Variants in PLEKHM2 observed in about 807,000 individuals in gnomAD.
The protein encoded by PLEKHM2 is pleckstrin homology domain-containing family M member 2.
Under a neutral mutation model 116.3 loss-of-function variants are expected in PLEKHM2, and 77 were observed. The ratio of observed to expected loss-of-function variants is 0.66; its 90% confidence interval spans 0.55 to 0.80. PLEKHM2 has a LOEUF of 0.80. PLEKHM2 is among the 30% of genes least tolerant of loss of function. The pLI is 0.00. For missense variants in PLEKHM2, 1,183 were observed against 1,354.9 expected, an observed-to-expected ratio of 0.87 and a Z score of 1.99; for synonymous variants, 562 against 571.0, an observed-to-expected ratio of 0.98 and a Z score of 0.22.
Position 15,728,560 on chromosome 1 carries a change from C to T in PLEKHM2, c.1922-109C>T. 3 of 1,093,978 alleles carry T rather than the reference C, an allele frequency of 2.7e-6. No homozygotes were observed. Among genetic ancestry groups the T allele is most frequent in the Non-Finnish European group, 4.1e-6 (3 of 736,862 alleles). The allele number at this position is 1,093,978 out of a possible 1,614,324, so 67.8% of individuals were successfully genotyped here. On this transcript the variant is annotated intron_variant, in intron 11 of 19. Coordinates refer to ENST00000375799, the MANE Select transcript of PLEKHM2 (RefSeq NM_015164.4). This position sits in a 1 kb window ranked among gnomAD's most constrained non-coding sequence, Gnocchi z 5.9. ...AGCACTCCACGCCATTCTCCTACTG[C>T]AGGGCAAGGAGAGGCCCTCTAAGAG...
chr1:15,685,541 G>GAAAAAAAAAAAAAAAAAAAAGA (rs200301672), intron 1 of PLEKHM2, among the ~76,000 whole-genome samples: 1 of 73,506 alleles, frequency 1.4e-5, no homozygotes, highest in Non-Finnish European at 2.8e-5. Flanking sequence ...CTCAGAAACT[G>GAAAAAAAAAAAAAAAAAAAAGA]AAAAAAAAAA....
intron 7 of PLEKHM2, among the ~76,000 whole-genome samples, chr1:15,725,009 C>T (rs2068043457): frequency 1.3e-5 from 2 of 152,224 alleles, no homozygotes. Context: ...TCCTATGGGA[C>T]TTAAGCCTGG....
rs762389912 is a variant in PLEKHM2, at chr1:15,732,025, C to G, written c.2602C>G (p.Leu868Val). The G allele has an allele frequency of 1.9e-6, 3 of 1,612,000 alleles. No individual in the cohort carries two copies. The highest frequency in any genetic ancestry group is 1.3e-5 in the African/African-American group (1 of 74,902). ...EAEMAEWMQH[L>V]CQAVSKGVIP... Reference sequence around the variant, plus strand: ...CGAGATGGCCGAGTGGATGCAGCATCTCTGCCAGGCTGTGTCCAAAGGGGT... The same window carrying G: ...CGAGATGGCCGAGTGGATGCAGCATGTCTGCCAGGCTGTGTCCAAAGGGGT... Residue 868 changes from leucine (L) to valine (V), a missense_variant, in exon 17 of 20, where the codon CTC becomes GTC. Physicochemically the swap from Leu to Val is conservative, Grantham distance 32. Transcript: ENST00000375799.
chr1:15,684,517 G>GGCA lies in PLEKHM2; in HGVS notation c.-40_-39insAGC, dbSNP rs2148323486. On this transcript the variant is annotated 5_prime_UTR_variant, in exon 1 of 20. Coordinates refer to ENST00000375799, the MANE Select transcript of PLEKHM2 (RefSeq NM_015164.4). Reference sequence around the variant, plus strand: ...GCGCGGGAAGCGGCGGCGGGGCGGCGGCGGCGGTGGCGGTGGCGGTGGCGG... The same window carrying GGCA: ...GCGCGGGAAGCGGCGGCGGGGCGGCGGCAGCGGCGGTGGCGGTGGCGGTGGCGG... 2 of 1,088,860 alleles carry GGCA rather than the reference G, an allele frequency of 1.8e-6. No homozygotes were observed. The highest frequency in any genetic ancestry group is 2.3e-6 in the Non-Finnish European group (2 of 886,616). 67.4% of individuals were successfully genotyped at this position (1,088,860 alleles called of 1,614,324 possible).
Position 15,729,681 on chromosome 1 carries a change from A to G in PLEKHM2, c.2076-116A>G. ...GCCGCCCTGGTCACTGGGTCTAGCC[A>G]GGTCTCTCCCCCAAGTTTCTGTGAC... On this transcript the variant is annotated intron_variant, in intron 13 of 19. Transcript: ENST00000375799. This position sits in a 1 kb window ranked among gnomAD's most constrained non-coding sequence, Gnocchi z 4.7. 1.1e-6 allele frequency: 1 copy of G among 879,372 alleles called. No individual in the cohort carries two copies. Among genetic ancestry groups the G allele is most frequent in the Non-Finnish European group, 1.8e-6 (1 of 567,914 alleles). 54.5% of individuals were successfully genotyped at this position (879,372 alleles called of 1,614,324 possible).
At chr1:15,704,136 C>T (rs1641173197) in intron 1 of PLEKHM2, among the ~76,000 whole-genome samples, 1 of 152,142 alleles carries the variant, frequency 6.6e-6, no homozygotes, top group Non-Finnish European at 1.5e-5. Context: ...GCATACTGGC[C>T]CACCTGCTTG....
intron 1 of PLEKHM2, among the ~76,000 whole-genome samples, chr1:15,709,394 T>C (rs1482059924): frequency 6.6e-6 from 1 of 152,222 alleles, no homozygotes; most frequent in Non-Finnish European, 1.5e-5. Flanking sequence ...GGTTACCAGC[T>C]GCAGCCTCAT....
At chr1:15,711,991 G>A (rs891285206) in intron 1 of PLEKHM2, among the ~76,000 whole-genome samples, 3 of 151,880 alleles carry the variant, frequency 2.0e-5, no homozygotes, top group Non-Finnish European at 4.4e-5. Context: ...GGTGGCGCGT[G>A]CCTGTAATCC....
chr1:15,725,141 T>C (rs2068045411), intron 7 of PLEKHM2, among the ~76,000 whole-genome samples, 176 bp from the exon 8 acceptor site: 1 of 152,114 alleles, frequency 6.6e-6, no homozygotes, highest in Non-Finnish European at 1.5e-5. Flanking sequence ...GCTCCTAAAG[T>C]ACAAAACCCC....
intron 1 of PLEKHM2, 93 bp from the exon 2 acceptor site, chr1:15,716,144 A>G (rs1025363766): frequency 8.4e-5 from 64 of 760,856 alleles, no homozygotes; most frequent in Middle Eastern, 2.5e-4. Context: ...ACACCATTTG[A>G]CTAATTTTTT....
intron 8 of PLEKHM2, chr1:15,725,906 C>G: frequency 3.6e-6 from 1 of 279,006 alleles, no homozygotes; most frequent in Non-Finnish European, 6.9e-6. Flanking sequence ...AGAGAGCTCT[C>G]TAGGGTCCCT....
Position 15,728,796 on chromosome 1 carries a change from C to T in PLEKHM2, c.1986+63C>T, listed in dbSNP as rs1167040077. ...TACAGGGCTTCTCAAGCCACTTACC[C>T]ATAGAACTGCAGGGCGAGGCACGGC... is the stretch of plus-strand genomic sequence containing the variant. On this transcript the variant is annotated intron_variant, in intron 12 of 19. Coordinates refer to ENST00000375799, the MANE Select transcript of PLEKHM2 (RefSeq NM_015164.4). The surrounding 1 kb of genome is among the most constrained non-coding windows in gnomAD (Gnocchi z 5.9). 3.5e-6 allele frequency: 5 copies of T among 1,429,676 alleles called. No homozygotes were observed. The highest frequency in any genetic ancestry group is 1.9e-5 in the Admixed American group (1 of 52,040). The allele number at this position is 1,429,676 out of a possible 1,614,324, so 88.6% of individuals were successfully genotyped here. A position where few individuals can be genotyped will look rare whatever the true frequency, so the allele number is the denominator to read the frequency against.
At chr1:15,707,695 G>A (rs2148348064) in intron 1 of PLEKHM2, among the ~76,000 whole-genome samples, 1 of 152,292 alleles carries the variant, frequency 6.6e-6, no homozygotes, top group African/African-American at 2.4e-5. Context: ...TGGAGCAGCT[G>A]CAGCTTTTTT....
chr1:15,726,091 G>A lies in PLEKHM2; in HGVS notation c.941+546G>A, dbSNP rs114597800. 7.7e-3 allele frequency among the ~76,000 whole-genome samples: 1,172 copies of A among 152,328 alleles called. 18 individuals carry two copies. The highest frequency in any genetic ancestry group is 0.024 in the African/African-American group (1,004 of 41,586). On this transcript the variant is annotated intron_variant, in intron 8 of 19. Coordinates refer to ENST00000375799, the MANE Select transcript of PLEKHM2 (RefSeq NM_015164.4). ...CTTGGAAGCAGGTGGCACAGGCAGC[G>A]ACCGTGGCTGGTGTCTGGGGCCATG... is the stretch of plus-strand genomic sequence containing the variant.
chr1:15,718,723 G>A, intron 5 of PLEKHM2, 98 bp downstream of exon 5: 1 of 740,600 alleles, frequency 1.4e-6, no homozygotes, highest in South Asian at 1.5e-5. Context: ...CTTGTTGAGG[G>A]AGCTTGTTGA....
chr1:15,726,207 G>A (rs757002666), intron 8 of PLEKHM2, among the ~76,000 whole-genome samples: 1 of 152,202 alleles, frequency 6.6e-6, no homozygotes, highest in Non-Finnish European at 1.5e-5. Flanking sequence ...TGGAAGTTAA[G>A]ATACAATTTC....
chr1:15,697,569 C>T (rs766815372), intron 1 of PLEKHM2, among the ~76,000 whole-genome samples: 1 of 152,200 alleles, frequency 6.6e-6, no homozygotes, highest in African/African-American at 2.4e-5. Flanking sequence ...TGTCATTTTT[C>T]CTACACCACA....
intron 1 of PLEKHM2, 110 bp downstream of exon 1, chr1:15,684,728 G>A: frequency 2.9e-6 from 1 of 339,344 alleles, no homozygotes; most frequent in Non-Finnish European, 4.2e-6. Flanking sequence ...CCGCGACCCG[G>A]GGGGCGACGA....
Position 15,716,815 on chromosome 1 carries a change from CAGTG to C in PLEKHM2, c.277+3_277+6del. ...AGCACGTGGCCACCAACCTGGGGCG[CAGTG>C]AGTAGTCACAAGGAGACGCTGGGGA... On this transcript the variant is annotated splice_donor_variant and splice_donor_region_variant and coding_sequence_variant and intron_variant, in exon 3 of 20. Transcript: ENST00000375799. LOFTEE classifies it high-confidence loss of function. 6.4e-7 allele frequency: 1 copy of C among 1,559,676 alleles called. No individual in the cohort carries two copies. Among genetic ancestry groups the C allele is most frequent in the Non-Finnish European group, 8.7e-7 (1 of 1,151,602 alleles).
Sources: allele counts gnomAD v4.1 joint callset (sites outside exome capture counted in the v4.1 genomes callset), GRCh38; gene constraint gnomAD v4.1.1; non-coding constraint Gnocchi (gnomAD v3.1); transcripts MANE v1.5; gene names NCBI Gene and HGNC (gene_info 2026-07-23, HGNC 2026-07-21).